Variants in PPP5C observed in about 807,000 individuals in gnomAD.
PPP5C encodes protein phosphatase 5 catalytic subunit, also known as serine/threonine-protein phosphatase 5.
Under a neutral mutation model 66.7 loss-of-function variants are expected in PPP5C, and 21 were observed. The ratio of observed to expected loss-of-function variants is 0.31; its 90% CI spans 0.22 to 0.45. The LOEUF (loss-of-function observed/expected upper bound fraction) is 0.45, where lower values mean the gene tolerates loss of function less well. Ranked by LOEUF, PPP5C falls within the 20% of genes least tolerant of loss-of-function variation. PPP5C has a pLI of 1.00. For missense variants in PPP5C, 464 were observed against 675.9 expected (o/e 0.69, Z 3.48); for synonymous variants, 246 against 257.4 (o/e 0.96, Z 0.43).
chr19:46,350,075 G>A (rs1482337379), intron 1 of PPP5C, among the ~76,000 whole-genome samples: 1 of 152,088 alleles, frequency 6.6e-6, no homozygotes, highest in African/African-American at 2.4e-5. Context: ...AGTAGGGAAA[G>A]GACAGGGTCA....
rs142143105 is a variant in PPP5C at position 46,383,863 on chromosome 19, G to A, written c.783G>A (p.Ser261=). Residue 261 remains serine (S), a synonymous_variant, in exon 6 of 13, where the codon TCG becomes TCA. Transcript: ENST00000012443. This position sits in a 1 kb window ranked among gnomAD's most constrained non-coding sequence, Gnocchi z 5.0. Reference sequence around the variant, plus strand: ...TATTCGAGCTCAACGGTTTACCCTCGGAGACCAACCCCTATGTATCCTTCT... The same window carrying A: ...TATTCGAGCTCAACGGTTTACCCTCAGAGACCAACCCCTATGTATCCTTCT... The part of the protein sequence containing the change: ...LNIFELNGLP[S]ETNPYIFNGD... 1.2e-4 allele frequency: 198 copies of A among 1,612,820 alleles called. 1 individual carries two copies. In the African/African-American group the frequency reaches 1.9e-3, roughly 15 times the overall value.
At chr19:46,372,495 G>A (rs1972611185) in intron 2 of PPP5C, among the ~76,000 whole-genome samples, 1 of 152,132 alleles carries the variant, frequency 6.6e-6, no homozygotes, top group Admixed American at 6.5e-5. Flanking sequence ...TTATAGGTGT[G>A]AGCCACCACA....
intron 11 of PPP5C, among the ~76,000 whole-genome samples, chr19:46,389,205 T>C (rs1452032410): frequency 1.3e-5 from 2 of 151,506 alleles, no homozygotes; most frequent in African/African-American, 4.9e-5. Context: ...ACACCCGTAA[T>C]CCCAGCTACT....
At chr19:46,369,557 G>A (rs1033655980) in intron 2 of PPP5C, among the ~76,000 whole-genome samples, 4 of 151,702 alleles carry the variant, frequency 2.6e-5, no homozygotes, top group South Asian at 2.1e-4. Context: ...GCGTGAACCC[G>A]GGAGGCAGAG....
Position 46,383,957 on chromosome 19 carries a change from C to A in PPP5C, c.798+79C>A. 8.3e-7 allele frequency: 1 copy of A among 1,201,548 alleles called. No individual in the cohort carries two copies. The highest frequency in any genetic ancestry group is 1.2e-6 in the Non-Finnish European group (1 of 818,446). 74.4% of individuals were successfully genotyped at this position (1,201,548 alleles called of 1,614,324 possible). On this transcript the variant is annotated intron_variant, in intron 6 of 12. Coordinates refer to ENST00000012443, the MANE Select transcript of PPP5C (RefSeq NM_006247.4). This position sits in a 1 kb window ranked among gnomAD's most constrained non-coding sequence, Gnocchi z 5.0. ...TCAGGTCTGCACAGAGTGGGAGGAG[C>A]CCTTGCCAGGAAAAGACGTGACCTT...
intron 2 of PPP5C, 141 bp from the exon 3 acceptor site, chr19:46,375,463 A>T: frequency 7.8e-7 from 1 of 1,286,280 alleles, no homozygotes. Flanking sequence ...GCAGTTAAAT[A>T]CGTCTAGGGT....
intron 2 of PPP5C, among the ~76,000 whole-genome samples, chr19:46,364,112 T>C (rs1972451315): frequency 6.6e-6 from 1 of 152,108 alleles, no homozygotes. Context: ...GCAAAAATCA[T>C]GTCAACAAGA....
intron 2 of PPP5C, among the ~76,000 whole-genome samples, chr19:46,357,261 T>A (rs1305616305): frequency 6.6e-6 from 1 of 152,212 alleles, no homozygotes; most frequent in East Asian, 1.9e-4. Flanking sequence ...TTGCCCAGGC[T>A]GGTCTCAAAC....
At position 46,390,705 on chromosome 19, in the gene PPP5C, A is replaced by AC. The variant is rs548016846; in HGVS notation, c.*364dup. The AC allele has an allele frequency of 1.2e-4, 141 of 1,162,702 alleles. No homozygotes were observed. Among genetic ancestry groups the AC allele is most frequent in the African/African-American group, 7.5e-4 (47 of 62,930 alleles). The allele number at this position is 1,162,702 out of a possible 1,614,324, so 72.0% of individuals were successfully genotyped here. On this transcript the variant is annotated 3_prime_UTR_variant, in exon 13 of 13. Coordinates refer to ENST00000012443, the MANE Select transcript of PPP5C (RefSeq NM_006247.4). ...AGCAATAGGGCCCCGCCATAGGAAGACCCCCAGAGAGAGGGTCAGCAGGGG... is the reference window on the plus strand; with the variant it reads ...AGCAATAGGGCCCCGCCATAGGAAGACCCCCCAGAGAGAGGGTCAGCAGGGG...
intron 4 of PPP5C, among the ~76,000 whole-genome samples, chr19:46,377,899 T>G (rs963295245): frequency 6.6e-6 from 1 of 152,236 alleles, no homozygotes; most frequent in African/African-American, 2.4e-5. Context: ...GACATTTGGG[T>G]TATTTCTACT....
intron 6 of PPP5C, chr19:46,384,501 G>A: frequency 2.8e-6 from 1 of 355,672 alleles, no homozygotes; most frequent in South Asian, 3.0e-5. Context: ...GAGAGCTGAA[G>A]GAGGTGGACT....
chr19:46,375,475 G>A, intron 2 of PPP5C, 129 bp from the exon 3 acceptor site: 2 of 1,368,018 alleles, frequency 1.5e-6, no homozygotes, highest in Non-Finnish European at 2.0e-6. Flanking sequence ...GTCTAGGGTT[G>A]CACCATCAGC....
At chr19:46,360,709 G>A (rs949555713) in intron 2 of PPP5C, among the ~76,000 whole-genome samples, 1 of 152,094 alleles carries the variant, frequency 6.6e-6, no homozygotes, top group Non-Finnish European at 1.5e-5. Flanking sequence ...TGCTATGTTG[G>A]CCAAGGTGGT....
chr19:46,390,505 AG>A lies in PPP5C; in HGVS notation c.*163del. On this transcript the variant is annotated 3_prime_UTR_variant, in exon 13 of 13. Coordinates refer to ENST00000012443, the MANE Select transcript of PPP5C (RefSeq NM_006247.4). The stretch of plus-strand genomic sequence containing the variant: ...TCCCCTTTAGGTTTGCAGAGGGGGT[AG>A]GGGCAGAGTCAGGGGCTGGCCAGAG... 1.4e-6 allele frequency: 2 copies of A among 1,447,358 alleles called. No homozygotes were observed. The highest frequency in any genetic ancestry group is 2.7e-5 in the South Asian group (2 of 73,812). The allele number at this position is 1,447,358 out of a possible 1,614,324, so 89.7% of individuals were successfully genotyped here. A position where few individuals can be genotyped will look rare whatever the true frequency, so the allele number is the denominator to read the frequency against.
At position 46,368,843 on chromosome 19, in the gene PPP5C, T is replaced by C. The variant is rs75460635; in HGVS notation, c.364-6761T>C. Among the ~76,000 whole-genome samples, 830 of 152,338 alleles carry C rather than the reference T, an allele frequency of 5.4e-3. 4 individuals carry two copies. The highest frequency in any genetic ancestry group is 0.019 in the African/African-American group (792 of 41,556). On this transcript the variant is annotated intron_variant, in intron 2 of 12. Coordinates refer to ENST00000012443, the MANE Select transcript of PPP5C (RefSeq NM_006247.4). The stretch of plus-strand genomic sequence containing the variant: ...TTTTCCATTAGTGAGTTATTTCACT[T>C]AGAATAATGGCCTCCAACTCCATCC...
At chr19:46,369,319 T>C (rs1972543048) in intron 2 of PPP5C, among the ~76,000 whole-genome samples, 1 of 152,136 alleles carries the variant, frequency 6.6e-6, no homozygotes, top group Admixed American at 6.5e-5. Context: ...AGCAAAACAG[T>C]AAGTATTTAT....
At chr19:46,389,411 A>AGTGTTGAT (rs1252794320) in intron 11 of PPP5C, among the ~76,000 whole-genome samples, 2 of 43,688 alleles carry the variant, frequency 4.6e-5, no homozygotes, top group Non-Finnish European at 1.1e-4. Context: ...ACACACACAC[A>AGTGTTGAT]CACACACACA....
intron 2 of PPP5C, among the ~76,000 whole-genome samples, chr19:46,374,255 T>G (rs1972651627): frequency 6.6e-6 from 1 of 152,070 alleles, no homozygotes; most frequent in African/African-American, 2.4e-5. Context: ...ACCCCCTGCT[T>G]CTGTCACACC....
intron 2 of PPP5C, among the ~76,000 whole-genome samples, chr19:46,372,539 C>CA (rs986955179): frequency 1.3e-5 from 2 of 152,142 alleles, no homozygotes; most frequent in Non-Finnish European, 2.9e-5. Flanking sequence ...TACTAAAATC[C>CA]AAAAAATTCC....
Sources: gnomAD v4.1 joint callset for allele counts (sites outside exome capture counted in the v4.1 genomes callset) on GRCh38, gnomAD v4.1.1 for gene constraint, Gnocchi (gnomAD v3.1) non-coding constraint, MANE v1.5 for transcripts, NCBI Gene and HGNC (gene_info 2026-07-23, HGNC 2026-07-21) for gene names.